SAMD5: variants seen among roughly 807,000 people sequenced by gnomAD.
The protein encoded by SAMD5 is sterile alpha motif domain containing 5, also known as sterile alpha motif domain-containing protein 5.
In SAMD5, 13 loss-of-function variants were observed where a neutral mutation model predicts 11.3. The ratio of observed to expected loss-of-function variants is 1.15; its 90% CI spans 0.75 to 1.83. The LOEUF (loss-of-function observed/expected upper bound fraction) is 1.83, where lower values mean the gene tolerates loss of function less well. Ranked by LOEUF, SAMD5 falls within the 40% of genes most tolerant of loss-of-function variation. The pLI is 0.00. For synonymous variants in SAMD5, 129 were observed against 111.3 expected, an observed-to-expected ratio of 1.16 and a Z score of -1.00; for missense variants, 255 against 239.1, an observed-to-expected ratio of 1.07 and a Z score of -0.44.
chr6:147,939,747 G>A, the SAMD5 span, among the ~76,000 whole-genome samples: 1 of 152,036 alleles, frequency 6.6e-6, no homozygotes, highest in Non-Finnish European at 1.5e-5. Context: ...CAACAAAGTG[G>A]TTCCCACCTT....
intron 1 of SAMD5, among the ~76,000 whole-genome samples, chr6:147,575,526 C>T (rs1789205556): frequency 6.6e-6 from 1 of 152,204 alleles, no homozygotes; most frequent in South Asian, 2.1e-4. Flanking sequence ...CTATAATTCT[C>T]CATCTCCTGT....
At chr6:147,673,531 T>A (rs918900198) in intron 1 of SAMD5, among the ~76,000 whole-genome samples, 1 of 152,154 alleles carries the variant, frequency 6.6e-6, no homozygotes, top group Admixed American at 6.5e-5. Context: ...TTTTTTAAAA[T>A]AAGATTTTTA....
At chr6:147,913,563 G>A in the SAMD5 span, among the ~76,000 whole-genome samples, 5 of 152,232 alleles carry the variant, frequency 3.3e-5, no homozygotes, top group South Asian at 2.1e-4. Context: ...GGGTGTGGTG[G>A]CACATGCCTG....
intron 1 of SAMD5, among the ~76,000 whole-genome samples, chr6:147,655,412 C>T (rs1328355268): frequency 6.6e-6 from 1 of 152,120 alleles, no homozygotes; most frequent in African/African-American, 2.4e-5. Context: ...TAAATTTTCT[C>T]TTCTGAAACA....
the SAMD5 span, among the ~76,000 whole-genome samples, chr6:147,782,192 A>C: frequency 3.3e-5 from 5 of 152,154 alleles, no homozygotes; most frequent in Non-Finnish European, 7.3e-5. Flanking sequence ...GTAGGAGGTC[A>C]AAGAAAATAA....
intron 1 of SAMD5, among the ~76,000 whole-genome samples, chr6:147,549,831 T>C (rs1041179037): frequency 1.1e-4 from 17 of 152,126 alleles, no homozygotes; most frequent in African/African-American, 4.1e-4. Context: ...TGTACATTTA[T>C]AGTAACTTGC....
At chr6:147,896,474 A>T in the SAMD5 span, among the ~76,000 whole-genome samples, 1 of 152,028 alleles carries the variant, frequency 6.6e-6, no homozygotes, top group South Asian at 2.1e-4. Flanking sequence ...CTCTGGAAGG[A>T]GAGGAGGTAC....
At chr6:147,933,678 T>C in the SAMD5 span, among the ~76,000 whole-genome samples, 2 of 152,006 alleles carry the variant, frequency 1.3e-5, no homozygotes, top group Admixed American at 1.3e-4. Flanking sequence ...TATCCTAGAG[T>C]AATGCAAATG....
chr6:147,527,984 C>T (rs979385004), intron 1 of SAMD5, among the ~76,000 whole-genome samples: 4 of 151,986 alleles, frequency 2.6e-5, no homozygotes, highest in Admixed American at 6.6e-5. Flanking sequence ...CAAGAGAGCG[C>T]GTACGGGGAG....
At chr6:147,570,723 A>G (rs1789124002), downstream of SAMD5, among the ~76,000 whole-genome samples, 1 of 151,996 alleles carries the variant, frequency 6.6e-6, no homozygotes, top group South Asian at 2.1e-4. Flanking sequence ...AAGTAAATTT[A>G]AAGCAAAAAA....
chr6:147,609,310 A>G (rs1789747314), intron 1 of SAMD5, among the ~76,000 whole-genome samples: 2 of 152,168 alleles, frequency 1.3e-5, no homozygotes, highest in Non-Finnish European at 1.5e-5. Context: ...ATGGCCGCCT[A>G]CAAGCTAAAG....
chr6:147,803,959 G>A, the SAMD5 span, among the ~76,000 whole-genome samples: 2 of 152,112 alleles, frequency 1.3e-5, no homozygotes, highest in South Asian at 4.1e-4. Flanking sequence ...TCGCCTTGCA[G>A]ACTCTCCATT....
downstream of SAMD5, among the ~76,000 whole-genome samples, chr6:147,738,012 G>T (rs1791829579): frequency 6.6e-6 from 1 of 152,102 alleles, no homozygotes; most frequent in African/African-American, 2.4e-5. Context: ...ATTGTAACCA[G>T]TAATCAGCTG....
chr6:147,915,474 G>T, the SAMD5 span, among the ~76,000 whole-genome samples: 2 of 152,288 alleles, frequency 1.3e-5, no homozygotes, highest in African/African-American at 4.8e-5. Flanking sequence ...TACTAGTTGT[G>T]TAACCTAGGA....
chr6:147,560,030 TCTAGA>T (rs986041965), intron 1 of SAMD5, among the ~76,000 whole-genome samples: 2 of 152,196 alleles, frequency 1.3e-5, no homozygotes, highest in African/African-American at 4.8e-5. Flanking sequence ...TATCTGACTT[TCTAGA>T]CTAAACTTTT....
At chr6:147,934,834 T>C in the SAMD5 span, among the ~76,000 whole-genome samples, 1 of 152,150 alleles carries the variant, frequency 6.6e-6, no homozygotes, top group African/African-American at 2.4e-5. Flanking sequence ...TTAGGTTTTA[T>C]TGTGGTCAGT....
chr6:147,821,702 C>G, the SAMD5 span, among the ~76,000 whole-genome samples: 1 of 152,146 alleles, frequency 6.6e-6, no homozygotes, highest in Admixed American at 6.5e-5. Flanking sequence ...GATGATTGGG[C>G]AAGTTACCCT....
chr6:147,658,458 AGAT>A lies in SAMD5; in HGVS notation c.163-78852_163-78850del, dbSNP rs533366612. 5.9e-5 allele frequency among the ~76,000 whole-genome samples: 9 copies of A among 152,160 alleles called. 1 individual carries two copies. In the South Asian group the frequency reaches 1.7e-3, roughly 28 times the overall value. On this transcript the variant is annotated intron_variant, in intron 1 of 1. Coordinates refer to the SAMD5 transcript ENST00000566741. ...ATATATTTTAATTTTTATGAGTACAAGATGATGATTGATTTAGCAACTGAGATA... is the reference window on the plus strand; with the variant it reads ...ATATATTTTAATTTTTATGAGTACAAGATGATTGATTTAGCAACTGAGATA...
At chr6:147,678,751 A>G (rs954740193) in intron 1 of SAMD5, among the ~76,000 whole-genome samples, 17 of 152,184 alleles carry the variant, frequency 1.1e-4, no homozygotes, top group African/African-American at 4.1e-4. Context: ...TCACTGTGTT[A>G]CTTTAGTGTG....
Sources: allele counts gnomAD v4.1 joint callset (sites outside exome capture counted in the v4.1 genomes callset), GRCh38; gene constraint gnomAD v4.1.1; transcripts MANE v1.5; gene names NCBI Gene and HGNC (gene_info 2026-07-23, HGNC 2026-07-21).